The following MRPS10 variants were observed in gnomAD, a reference collection of about 807,000 sequenced individuals.
The protein encoded by MRPS10 is small ribosomal subunit protein uS10m.
A neutral mutation model predicts 27.5 loss-of-function variants in MRPS10; 23 were observed. The observed-to-expected ratio is 0.84, with a 90% CI of 0.60 to 1.18. The LOEUF is 1.18. MRPS10 is among the 50% of genes most tolerant of loss of function. The pLI, the probability that MRPS10 is intolerant of heterozygous loss-of-function variation, is 0.00. For missense variants in MRPS10, 237 were observed against 240.1 expected (o/e 0.99, Z 0.09); for synonymous variants, 88 against 84.2 (o/e 1.04, Z -0.25).
At chr6:42,215,181 G>C (rs1378757706) in intron 1 of MRPS10, among the ~76,000 whole-genome samples, 1 of 151,782 alleles carries the variant, frequency 6.6e-6, no homozygotes, top group East Asian at 1.9e-4. Context: ...TTGTAGTCAG[G>C]AGTTCCAGAG....
intron 6 of MRPS10, 31 bp from the exon 7 acceptor site, chr6:42,208,403 T>A: frequency 1.4e-6 from 2 of 1,469,580 alleles, no homozygotes; most frequent in Non-Finnish European, 1.9e-6. Context: ...AACTATAATG[T>A]GGATTTAACA....
intron 1 of MRPS10, among the ~76,000 whole-genome samples, chr6:42,216,609 G>A (rs527531271): frequency 4.0e-5 from 6 of 151,470 alleles, no homozygotes; most frequent in Non-Finnish European, 5.9e-5. Flanking sequence ...TCAGGAGTTC[G>A]AGACCAGCCT....
intron 1 of MRPS10, among the ~76,000 whole-genome samples, chr6:42,215,453 T>C (rs1370227421): frequency 6.6e-6 from 1 of 152,148 alleles, no homozygotes; most frequent in East Asian, 1.9e-4. Flanking sequence ...CAGGGTTTTT[T>C]TGAGACAAGG....
chr6:42,213,715 A>G (rs1582351972), intron 3 of MRPS10, among the ~76,000 whole-genome samples: 2 of 152,320 alleles, frequency 1.3e-5, no homozygotes, highest in Non-Finnish European at 2.9e-5. Context: ...GTGCTAACGC[A>G]TTTTCTCACT....
chr6:42,211,182 G>A (rs910733157), intron 4 of MRPS10, among the ~76,000 whole-genome samples: 4 of 152,148 alleles, frequency 2.6e-5, no homozygotes, highest in African/African-American at 9.7e-5. Context: ...CTGGGTAAGT[G>A]GTGTTTCTTA....
chr6:42,216,385 A>AGAGAGTGTGTGTGTGTGTGTGTGTGTGT, intron 1 of MRPS10, among the ~76,000 whole-genome samples: 4 of 58,690 alleles, frequency 6.8e-5, no homozygotes, highest in African/African-American at 1.8e-4. Context: ...AGAGAGAGAG[A>AGAGAGTGTGTGTGTGTGTGTGTGTGTGT]GTGTGTGTGT....
intron 3 of MRPS10, among the ~76,000 whole-genome samples, chr6:42,213,128 G>A (rs1222330634): frequency 2.0e-5 from 3 of 152,190 alleles, no homozygotes; most frequent in Non-Finnish European, 4.4e-5. Context: ...GTTGCAGACT[G>A]GGGCTTAAAT....
At chr6:42,208,717 T>C in intron 6 of MRPS10, 141 bp downstream of exon 6, 1 of 627,702 alleles carries the variant, frequency 1.6e-6, no homozygotes, top group Non-Finnish European at 2.8e-6. Flanking sequence ...CCAACCGCTG[T>C]GGCAACTGTG....
intron 1 of MRPS10, among the ~76,000 whole-genome samples, chr6:42,215,584 G>A (rs1768903061): frequency 6.6e-6 from 1 of 151,940 alleles, no homozygotes; most frequent in Non-Finnish European, 1.5e-5. Context: ...GGGCCACCAG[G>A]CCCAGCTAAT....
rs145290235 is a variant in MRPS10 at position 42,217,829 on chromosome 6, G to A, written c.21C>T (p.Phe7=). Reference sequence around the variant, plus strand: ...GCCAGAGGCGCCGGCACACAGCACCGAACGCTGTCCGCGCCGCCATCTTGC... The same window carrying A: ...GCCAGAGGCGCCGGCACACAGCACCAAACGCTGTCCGCGCCGCCATCTTGC... MAARTA[F]GAVCRRLWQG... Residue 7 remains phenylalanine, a synonymous_variant, in exon 1 of 7, where the codon TTC becomes TTT. Transcript: ENST00000053468. The A allele has an allele frequency of 7.7e-5, 124 of 1,613,936 alleles. 3 individuals are homozygous for A. In the Admixed American group the frequency reaches 1.9e-3, roughly 24 times the overall value.
At chr6:42,212,014 C>T in intron 3 of MRPS10, 97 bp from the exon 4 acceptor site, 1 of 1,136,358 alleles carries the variant, frequency 8.8e-7, no homozygotes, top group Non-Finnish European at 1.3e-6. Flanking sequence ...TCAGAGTTTA[C>T]TAATAAATGA....
intron 4 of MRPS10, among the ~76,000 whole-genome samples, chr6:42,211,022 T>C (rs1768756667): frequency 6.6e-6 from 1 of 152,226 alleles, no homozygotes; most frequent in Non-Finnish European, 1.5e-5. Context: ...TGGGAAACCG[T>C]GGCCTTCTGT....
At position 42,208,479 on chromosome 6, in the gene MRPS10, TC is replaced by T. The variant is rs1020611819; in HGVS notation, c.523-108del. ...ATCCTCTTTACTTCTTTTTCTTTTA[TC>T]CCCCTAGTCTTTCTATAGGGTTTTG... On this transcript the variant is annotated intron_variant, in intron 6 of 6. Transcript: ENST00000053468. 2.3e-6 allele frequency: 2 copies of T among 853,564 alleles called. 1 individual carries two copies. Among genetic ancestry groups the T allele is most frequent in the Admixed American group, 4.7e-5 (2 of 42,202 alleles). 52.9% of individuals were successfully genotyped at this position (853,564 alleles called of 1,614,324 possible).
intron 1 of MRPS10, among the ~76,000 whole-genome samples, chr6:42,217,357 T>C (rs1042185658): frequency 6.6e-6 from 1 of 152,204 alleles, no homozygotes; most frequent in Non-Finnish European, 1.5e-5. Context: ...AGAGGATATC[T>C]AACCCACTTC....
chr6:42,216,304 G>C (rs554530712), intron 1 of MRPS10, among the ~76,000 whole-genome samples: 1 of 150,600 alleles, frequency 6.6e-6, no homozygotes, highest in East Asian at 2.0e-4. Context: ...TTACAGGCGT[G>C]AGCCACCGTG....
At chr6:42,208,397 A>G (rs776904279) in intron 6 of MRPS10, 25 bp from the exon 7 acceptor site, 5 of 1,499,774 alleles carry the variant, frequency 3.3e-6, no homozygotes, top group Admixed American at 1.8e-5. Context: ...AAACAAAACT[A>G]TAATGTGGAT....
At chr6:42,216,385 A>AGAGAGAGAGAGAGAGTGTGT in intron 1 of MRPS10, among the ~76,000 whole-genome samples, 13 of 58,690 alleles carry the variant, frequency 2.2e-4, no homozygotes, top group South Asian at 9.2e-4. Context: ...AGAGAGAGAG[A>AGAGAGAGAGAGAGAGTGTGT]GTGTGTGTGT....
At position 42,209,001 on chromosome 6, in the gene MRPS10, T is replaced by TTG. The variant is rs2113859225; in HGVS notation, c.433-55_433-54insCA. On this transcript the variant is annotated intron_variant, in intron 5 of 6. Coordinates refer to ENST00000053468, the MANE Select transcript of MRPS10 (RefSeq NM_018141.4). The stretch of plus-strand genomic sequence containing the variant: ...TGTAAGCTGTTTGTTAAAGCACGGT[T>TTG]TTTTGTTTTTTTTTTTGAGATGGAG... 6.0e-6 allele frequency: 7 copies of TTG among 1,157,516 alleles called. No homozygotes were observed. The South Asian group carries it at 9.5e-5, about 16-fold the overall frequency. 71.7% of individuals were successfully genotyped at this position (1,157,516 alleles called of 1,614,324 possible). A position where few individuals can be genotyped will look rare whatever the true frequency, so the allele number is the denominator to read the frequency against.
chr6:42,212,328 T>C (rs12215589), intron 3 of MRPS10, among the ~76,000 whole-genome samples: 83,112 of 152,062 alleles, frequency 0.55, 24,582 homozygotes, highest in East Asian at 0.83. Flanking sequence ...TCACTGCACA[T>C]TAGTTTCCTC....
Sources: allele counts gnomAD v4.1 joint callset (sites outside exome capture counted in the v4.1 genomes callset), GRCh38; gene constraint gnomAD v4.1.1; transcripts MANE v1.5; gene names NCBI Gene and HGNC (gene_info 2026-07-23, HGNC 2026-07-21).